Variants in NCAPD2 observed in about 807,000 individuals in gnomAD.
NCAPD2 encodes the protein condensin complex subunit 1.
Under a neutral mutation model 164.5 loss-of-function variants are expected in NCAPD2, and 100 were observed. The ratio of observed to expected loss-of-function variants is 0.61; its 90% CI spans 0.52 to 0.72. The LOEUF is 0.72. Ranked by LOEUF, NCAPD2 falls within the 30% of genes least tolerant of loss-of-function variation. The probability of loss-of-function intolerance (pLI) is 0.00; values close to 1 mark genes in which losing one functional copy is unlikely to be tolerated. For missense variants in NCAPD2, 1,560 were observed against 1,749.2 expected, an observed-to-expected ratio of 0.89 and a Z score of 1.93; for synonymous variants, 585 against 642.6, an observed-to-expected ratio of 0.91 and a Z score of 1.36.
intron 12 of NCAPD2, 25 bp from the exon 13 acceptor site, chr12:6,517,754 G>A: frequency 6.2e-7 from 1 of 1,614,066 alleles, no homozygotes; most frequent in African/African-American, 1.3e-5. Flanking sequence ...TCTAGTGAAA[G>A]AGACTAAGTG....
intron 9 of NCAPD2, 120 bp from the exon 10 acceptor site, chr12:6,516,708 A>T: frequency 1.0e-6 from 1 of 957,976 alleles, no homozygotes; most frequent in Non-Finnish European, 1.6e-6. Flanking sequence ...TTTGGGATTC[A>T]GCTTTCTCCT....
At position 6,531,259 on chromosome 12, in the gene NCAPD2, C is replaced by G. The variant is rs1946370520; in HGVS notation, c.4121-68C>G. On this transcript the variant is annotated intron_variant, in intron 31 of 31. Transcript: ENST00000315579. The surrounding 1 kb of genome is among the most constrained non-coding windows in gnomAD (Gnocchi z 4.1). ...GCGGTGTGGGATTGTCTCACTTGTT[C>G]TCTGATATCTATTTTTTCACCATCT... 6.5e-7 allele frequency: 1 copy of G among 1,533,156 alleles called. No homozygotes were observed. Among genetic ancestry groups the G allele is most frequent in the Non-Finnish European group, 9.0e-7 (1 of 1,114,852 alleles). The allele number at this position is 1,533,156 out of a possible 1,614,324, so 95.0% of individuals were successfully genotyped here.
In NCAPD2 at chr12:6,495,146, G is replaced by A; in HGVS notation, c.48G>A (p.Glu16=). The A allele has an allele frequency of 2.5e-6, 4 of 1,614,172 alleles. No individual in the cohort carries two copies. The highest frequency in any genetic ancestry group is 2.5e-6 in the Non-Finnish European group (3 of 1,180,024). The change falls in exon 2 of 32, where the codon GAG becomes GAA. Residue 16 remains glutamate (E), a synonymous_variant. Transcript: ENST00000315579. ...TCCATCTGCCATTATCCCCAGAGGA[G>A]TTGTTGAAAAGTGGAGGGGTGAATC... The part of the protein sequence containing the change: ...YEFHLPLSPE[E]LLKSGGVNQY...
At chr12:6,503,702 C>T (rs1037338859) in intron 2 of NCAPD2, among the ~76,000 whole-genome samples, 7 of 151,284 alleles carry the variant, frequency 4.6e-5, no homozygotes, top group Middle Eastern at 3.4e-3. Context: ...ACCTGGGAGC[C>T]GGAGGTTGTA....
At chr12:6,501,415 T>C (rs1415660885) in intron 2 of NCAPD2, among the ~76,000 whole-genome samples, 1 of 152,104 alleles carries the variant, frequency 6.6e-6, no homozygotes, top group Non-Finnish European at 1.5e-5. Flanking sequence ...CTTGAACTTC[T>C]GGCCTCAAGT....
At chr12:6,518,518 T>TTTTTTTTTTG (rs1946231517) in intron 13 of NCAPD2, among the ~76,000 whole-genome samples, 1 of 112,972 alleles carries the variant, frequency 8.9e-6, no homozygotes, top group African/African-American at 3.8e-5. Flanking sequence ...TTTTTTTTTT[T>TTTTTTTTTTG]TTTTTTTTTT....
At chr12:6,520,181 T>TAAA (rs10674281) in intron 13 of NCAPD2, among the ~76,000 whole-genome samples, 57 of 141,840 alleles carry the variant, frequency 4.0e-4, no homozygotes, top group East Asian at 1.4e-3. Flanking sequence ...ACTCTGTCTC[T>TAAA]AAAAAAAAAA....
At position 6,521,958 on chromosome 12, in the gene NCAPD2, G is replaced by A; in HGVS notation, c.1875G>A (p.Gln625=). Residue 625 remains glutamine, a synonymous_variant, in exon 15 of 32, where the codon CAG becomes CAA. Coordinates refer to ENST00000315579, the MANE Select transcript of NCAPD2 (RefSeq NM_014865.4). ...AGGAGATGCTGGTACAGTATCTGCA[G>A]GATGCCTACAGCTTCTCCCGGAAGA... ...VKQEMLVQYL[Q]DAYSFSRKIT... 6.2e-7 allele frequency: 1 copy of A among 1,614,158 alleles called. No individual in the cohort carries two copies. The highest frequency in any genetic ancestry group is 8.5e-7 in the Non-Finnish European group (1 of 1,180,032).
In NCAPD2 at chr12:6,514,841, T is replaced by G; in HGVS notation, c.908T>G (p.Phe303Cys). ...DPSGTKGFAA[F>C]LTELAERVPA... ...TCAGGGACAAAGGGCTTTGCAGCAT[T>G]CCTGACAGAACTAGCAGAACGTGTC... is the stretch of plus-strand genomic sequence containing the variant. Residue 303 changes from phenylalanine to cysteine, a missense_variant, in exon 9 of 32, where the codon TTC becomes TGC. Physicochemically the swap from Phe to Cys is radical, Grantham distance 205 (BLOSUM62 -2). Coordinates refer to ENST00000315579, the MANE Select transcript of NCAPD2 (RefSeq NM_014865.4). 6.2e-7 allele frequency: 1 copy of G among 1,614,194 alleles called. No homozygotes were observed. Among genetic ancestry groups the G allele is most frequent in the African/African-American group, 1.3e-5 (1 of 75,058 alleles).
chr12:6,497,779 C>A (rs1302500487), intron 2 of NCAPD2, among the ~76,000 whole-genome samples: 1 of 151,970 alleles, frequency 6.6e-6, no homozygotes, highest in Admixed American at 6.6e-5. Context: ...CCACCACGCC[C>A]GGCTAATTTT....
intron 9 of NCAPD2, among the ~76,000 whole-genome samples, chr12:6,515,920 G>A (rs536628862): frequency 7.2e-5 from 11 of 152,276 alleles, no homozygotes; most frequent in Non-Finnish European, 1.5e-4. Flanking sequence ...GGCCAGGTGT[G>A]GTGGCTCACG....
rs767960393 is a variant in NCAPD2, at chr12:6,530,984, G to C, written c.4028G>C (p.Arg1343Pro). 3.1e-6 allele frequency: 5 copies of C among 1,614,132 alleles called. No individual in the cohort carries two copies. In the Admixed American group the frequency reaches 8.3e-5, roughly 27 times the overall value. The change falls in exon 31 of 32, where the codon CGC becomes CCC. Residue 1343 changes from arginine (R) to proline (P), a missense_variant. Coordinates refer to ENST00000315579, the MANE Select transcript of NCAPD2 (RefSeq NM_014865.4). ...SDNDFVTPEPRRTTRRHPNTQ... is the reference protein window; with the variant it reads ...SDNDFVTPEPPRTTRRHPNTQ... ...AATGACTTTGTCACACCAGAGCCCC[G>C]CCGTACTACCCGTCGGCATCCAAAC...
chr12:6,521,084 TGAATATCTTAG>T lies in NCAPD2; in HGVS notation c.1691_1701del (p.Asn564ThrfsTer30), dbSNP rs762952967. 2 of 1,614,084 alleles carry T rather than the reference TGAATATCTTAG, an allele frequency of 1.2e-6. No individual in the cohort carries two copies. Among genetic ancestry groups the T allele is most frequent in the Admixed American group, 1.7e-5 (1 of 60,004 alleles). ...GAGGAGTCAGAGGAGACCAGGCTCTTGAATATCTTAGGACTTATCTTCAAAGGTAATCATTT... is the reference window on the plus strand; with the variant it reads ...GAGGAGTCAGAGGAGACCAGGCTCTTGACTTATCTTCAAAGGTAATCATTT... On this transcript the variant is annotated frameshift_variant, in exon 14 of 32. Transcript: ENST00000315579. LOFTEE classifies it high-confidence loss of function.
Position 6,526,127 on chromosome 12 carries a change from A to G in NCAPD2, c.2408A>G (p.Glu803Gly), listed in dbSNP as rs1304996535. 3 of 1,614,058 alleles carry G rather than the reference A, an allele frequency of 1.9e-6. No individual in the cohort carries two copies. Among genetic ancestry groups the G allele is most frequent in the Non-Finnish European group, 2.5e-6 (3 of 1,180,048 alleles). ...LDTLVSIGLD[E>G]KFPQDYRLAQ... Reference sequence around the variant, plus strand: ...ACACTGGTGAGCATAGGGCTGGATGAGAAGTTTCCACAGGACTACAGGCTG... The same window carrying G: ...ACACTGGTGAGCATAGGGCTGGATGGGAAGTTTCCACAGGACTACAGGCTG... The change falls in exon 19 of 32, where the codon GAG (glutamate) becomes GGG (glycine). Residue 803 changes from glutamate (E) to glycine (G), a missense_variant. Transcript: ENST00000315579.
chr12:6,513,081 C>T (rs1030659021), intron 6 of NCAPD2, among the ~76,000 whole-genome samples: 10 of 152,060 alleles, frequency 6.6e-5, no homozygotes, highest in East Asian at 1.9e-4. Flanking sequence ...CAGATTTGGA[C>T]GTTGAATATA....
Position 6,528,108 on chromosome 12 carries a change from G to C in NCAPD2, c.3143+17G>C. On this transcript the variant is annotated intron_variant, in intron 24 of 31. Coordinates refer to ENST00000315579, the MANE Select transcript of NCAPD2 (RefSeq NM_014865.4). The surrounding 1 kb of genome is among the most constrained non-coding windows in gnomAD (Gnocchi z 5.1). ...CATGATCAGGTAGGCCGTGGGGTTG[G>C]TACCCCCTTCTCAAGGAAGATGGGG... 6.2e-7 allele frequency: 1 copy of C among 1,614,190 alleles called. No individual in the cohort carries two copies. The highest frequency in any genetic ancestry group is 8.5e-7 in the Non-Finnish European group (1 of 1,180,038).
intron 2 of NCAPD2, among the ~76,000 whole-genome samples, chr12:6,508,579 G>A (rs1458953527): frequency 2.0e-5 from 3 of 152,162 alleles, no homozygotes; most frequent in African/African-American, 7.2e-5. Flanking sequence ...AGGAATAATA[G>A]AGATAGAAAA....
intron 6 of NCAPD2, 98 bp downstream of exon 6, chr12:6,511,350 G>A: frequency 7.2e-7 from 1 of 1,390,762 alleles, no homozygotes; most frequent in Non-Finnish European, 9.8e-7. Flanking sequence ...TTTTTGTGGG[G>A]GGACAGAGCT....
In NCAPD2 at chr12:6,529,336, G is replaced by C. The variant is rs893399549; in HGVS notation, c.3573-177G>C. The C allele has an allele frequency of 1.1e-5, 7 of 645,680 alleles. No individual in the cohort carries two copies. The African/African-American group carries it at 1.3e-4, about 12-fold the overall frequency. The allele number at this position is 645,680 out of a possible 1,614,324, so 40.0% of individuals were successfully genotyped here. A position where few individuals can be genotyped will look rare whatever the true frequency, so the allele number is the denominator to read the frequency against. ...CACAGTGAAAATTCCTGAGCCGGGG[G>C]CGGGGTGGGGTCCCTCTCTGCTGAA... On this transcript the variant is annotated intron_variant, in intron 27 of 31. Coordinates refer to ENST00000315579, the MANE Select transcript of NCAPD2 (RefSeq NM_014865.4).
Sources: gnomAD v4.1 joint callset for allele counts (sites outside exome capture counted in the v4.1 genomes callset) on GRCh38, gnomAD v4.1.1 for gene constraint, Gnocchi (gnomAD v3.1) non-coding constraint, MANE v1.5 for transcripts, NCBI Gene and HGNC (gene_info 2026-07-23, HGNC 2026-07-21) for gene names.